The following CRTAC1 variants were observed in gnomAD, a reference collection of about 807,000 sequenced individuals.
The protein encoded by CRTAC1 is cartilage acidic protein 1.
A neutral mutation model predicts 67.8 loss-of-function variants in CRTAC1; 37 were observed. The ratio of observed to expected loss-of-function variants is 0.55; its 90% confidence interval spans 0.42 to 0.72. CRTAC1 has a LOEUF of 0.72. Among genes scored for constraint, CRTAC1 ranks in the 30% least tolerant of loss-of-function variants. The pLI is 0.00. For synonymous variants in CRTAC1, 348 were observed against 371.0 expected (o/e 0.94, Z 0.71); for missense variants, 780 against 931.6 (o/e 0.84, Z 2.12).
intron 11 of CRTAC1, among the ~76,000 whole-genome samples, chr10:97,886,040 G>A (rs907580280): frequency 6.6e-6 from 1 of 152,144 alleles, no homozygotes; most frequent in Non-Finnish European, 1.5e-5. Flanking sequence ...TGTATAAAAG[G>A]GGTTCCCATA....
chr10:97,994,846 T>A (rs1842525029), intron 2 of CRTAC1, among the ~76,000 whole-genome samples: 1 of 152,184 alleles, frequency 6.6e-6, no homozygotes, highest in Admixed American at 6.5e-5. Context: ...CCAGAAGGAA[T>A]GAAGGTCCTG....
chr10:98,008,420 G>A (rs187149421), intron 2 of CRTAC1, among the ~76,000 whole-genome samples: 33 of 151,916 alleles, frequency 2.2e-4, no homozygotes, highest in Middle Eastern at 6.8e-3. Context: ...CAAAAGAGTG[G>A]GGGGTGGGGT....
At chr10:97,877,780 T>C (rs2050164642) in intron 14 of CRTAC1, among the ~76,000 whole-genome samples, 1 of 152,344 alleles carries the variant, frequency 6.6e-6, no homozygotes, top group African/African-American at 2.4e-5. Flanking sequence ...GACACAGATA[T>C]ACCCTGTTAT....
rs773010392 is a variant in CRTAC1, at chr10:97,880,345, G to A, written c.1723C>T (p.Pro575Ser). Reference protein sequence around the residue: ...QFPFVCPRDKPVCVNTYGSYR... With the variant: ...QFPFVCPRDKSVCVNTYGSYR... Reference sequence around the variant, plus strand: ...CTTCCATAGGTGTTGACACATACGGGCTTGTCTCGAGGGCACACGAATGGG... The same window carrying A: ...CTTCCATAGGTGTTGACACATACGGACTTGTCTCGAGGGCACACGAATGGG... The change falls in exon 14 of 15, where the codon CCC (proline) becomes TCC (serine). Residue 575 changes from proline (P) to serine (S), a missense_variant. Physicochemically the swap from Pro to Ser is moderately conservative, Grantham distance 74. Transcript: ENST00000370597. 2.1e-5 allele frequency: 34 copies of A among 1,614,058 alleles called. No individual in the cohort carries two copies. The Admixed American group carries it at 4.8e-4, about 23-fold the overall frequency.
At chr10:97,877,350 A>G (rs114115953) in intron 14 of CRTAC1, among the ~76,000 whole-genome samples, 2,725 of 152,268 alleles carry the variant, frequency 0.018, 72 homozygotes, top group African/African-American at 0.061. Context: ...ACCATTACAT[A>G]CCTAGAGCGT....
intron 14 of CRTAC1, among the ~76,000 whole-genome samples, chr10:97,872,603 G>A (rs991723749): frequency 6.6e-6 from 1 of 152,218 alleles, no homozygotes; most frequent in Admixed American, 6.5e-5. Flanking sequence ...GTGAATTACT[G>A]TGAGTGAATC....
intron 11 of CRTAC1, among the ~76,000 whole-genome samples, chr10:97,892,680 G>A (rs1000599969): frequency 7.2e-5 from 11 of 152,230 alleles, no homozygotes; most frequent in African/African-American, 9.6e-5. Flanking sequence ...TCAGCCCAGT[G>A]CCTGGCACAT....
At chr10:97,951,944 G>A (rs538102583) in intron 2 of CRTAC1, among the ~76,000 whole-genome samples, 1 of 152,248 alleles carries the variant, frequency 6.6e-6, no homozygotes, top group South Asian at 2.1e-4. Flanking sequence ...TTAAAAAGGT[G>A]CCCAGGGGAT....
chr10:97,889,040 G>C (rs917695608), intron 11 of CRTAC1, among the ~76,000 whole-genome samples: 1 of 151,368 alleles, frequency 6.6e-6, no homozygotes, highest in Non-Finnish European at 1.5e-5. Context: ...GCAGCTCTGA[G>C]TCACCTGCAA....
chr10:97,915,894 T>G (rs925758226), intron 5 of CRTAC1, among the ~76,000 whole-genome samples: 7 of 152,188 alleles, frequency 4.6e-5, no homozygotes, highest in African/African-American at 1.7e-4. Flanking sequence ...CCAAAGCTGC[T>G]GCTTCTTCCT....
intron 2 of CRTAC1, among the ~76,000 whole-genome samples, chr10:97,968,033 A>G (rs1187781982): frequency 5.3e-5 from 8 of 152,220 alleles, no homozygotes; most frequent in African/African-American, 1.7e-4. Context: ...TAGGAAATTT[A>G]TGGGATTTGC....
At chr10:97,942,708 T>G (rs2051194064) in intron 2 of CRTAC1, among the ~76,000 whole-genome samples, 1 of 151,944 alleles carries the variant, frequency 6.6e-6, no homozygotes, top group African/African-American at 2.4e-5. Context: ...GAAAATATGC[T>G]ATCTGTTTGA....
chr10:98,020,677 G>A (rs1843098440), intron 1 of CRTAC1, among the ~76,000 whole-genome samples: 1 of 152,254 alleles, frequency 6.6e-6, no homozygotes, highest in African/African-American at 2.4e-5. Context: ...GAACAAGGTG[G>A]AGAGAGTGTT....
intron 1 of CRTAC1, among the ~76,000 whole-genome samples, chr10:98,016,019 C>T (rs1234149408): frequency 6.6e-6 from 1 of 152,178 alleles, no homozygotes; most frequent in Non-Finnish European, 1.5e-5. Context: ...TGCCCAGGCT[C>T]AGTTTATCTT....
chr10:97,998,292 T>C (rs1208541336), intron 2 of CRTAC1, among the ~76,000 whole-genome samples: 1 of 152,160 alleles, frequency 6.6e-6, no homozygotes, highest in Non-Finnish European at 1.5e-5. Flanking sequence ...CTTAAAAAGA[T>C]GATGGCTGAG....
intron 11 of CRTAC1, 68 bp from the exon 12 acceptor site, chr10:97,884,419 A>G (rs2050254245): frequency 1.5e-6 from 2 of 1,375,150 alleles, no homozygotes; most frequent in African/African-American, 2.9e-5. Flanking sequence ...AAGCATCAGC[A>G]TCAACTAATT....
At chr10:97,951,970 T>C (rs1246152806) in intron 2 of CRTAC1, among the ~76,000 whole-genome samples, 1 of 151,514 alleles carries the variant, frequency 6.6e-6, no homozygotes, top group African/African-American at 2.4e-5. Context: ...TGCACATTAA[T>C]GTTTCAGAAG....
At chr10:98,003,841 A>G (rs1406066523) in intron 2 of CRTAC1, among the ~76,000 whole-genome samples, 1 of 151,546 alleles carries the variant, frequency 6.6e-6, no homozygotes, top group African/African-American at 2.4e-5. Context: ...GGGGCCTCAG[A>G]CCTTTGAACT....
At chr10:97,959,379 C>T (rs1031112426) in intron 2 of CRTAC1, among the ~76,000 whole-genome samples, 7 of 152,142 alleles carry the variant, frequency 4.6e-5, no homozygotes, top group African/African-American at 1.7e-4. Flanking sequence ...TTAGAATGAC[C>T]ATGTGGCACA....
Sources: allele counts gnomAD v4.1 joint callset (sites outside exome capture counted in the v4.1 genomes callset), GRCh38; gene constraint gnomAD v4.1.1; transcripts MANE v1.5; gene names NCBI Gene and HGNC (gene_info 2026-07-23, HGNC 2026-07-21).